Variants in PCDHGA7 observed in about 807,000 individuals in gnomAD.
The protein encoded by PCDHGA7 is protocadherin gamma-A7.
PCDHGA7 carries 44 observed loss-of-function variants against 58.3 expected under a neutral mutation model. The ratio of observed to expected loss-of-function variants is 0.75; its 90% confidence interval spans 0.59 to 0.97. The LOEUF (loss-of-function observed/expected upper bound fraction) is 0.97, where lower values mean the gene tolerates loss of function less well. Among genes scored for constraint, PCDHGA7 ranks in the 50% least tolerant of loss-of-function variants. The probability of loss-of-function intolerance (pLI) is 0.00; values close to 1 mark genes in which losing one functional copy is unlikely to be tolerated. For synonymous variants in PCDHGA7, 516 were observed against 504.2 expected (o/e 1.02, Z -0.31); for missense variants, 1,266 against 1,188.7 (o/e 1.06, Z -0.96).
At chr5:141,409,573 C>T (rs562811168) in intron 1 of PCDHGA7, 4 of 1,613,934 alleles carry the variant, frequency 2.5e-6, no homozygotes, top group African/African-American at 2.7e-5. Flanking sequence ...AGACGTCCTA[C>T]GTGGTCCACG....
rs748115530 is a variant in PCDHGA7 at position 141,489,429 on chromosome 5, G to C, written c.2425-5378G>C. 5 of 1,614,022 alleles carry C rather than the reference G, an allele frequency of 3.1e-6. No individual in the cohort carries two copies. The East Asian group carries it at 8.9e-5, about 29-fold the overall frequency. ...AGATGACAGATCTGTTGAGCCGGCG[G>C]CTGCAATTGGGCTCTGAGGAGAATG... On this transcript the variant is annotated intron_variant, in intron 1 of 3. Transcript: ENST00000518325. The surrounding 1 kb of genome is among the most constrained non-coding windows in gnomAD (Gnocchi z 4.5).
At chr5:141,400,181 A>G (rs1188334062) in intron 1 of PCDHGA7, 14 of 1,614,034 alleles carry the variant, frequency 8.7e-6, no homozygotes, top group Non-Finnish European at 1.1e-5. Flanking sequence ...GCTGAGCTGC[A>G]GTTTTACCTA....
chr5:141,439,632 T>C (rs1335553818), intron 1 of PCDHGA7, among the ~76,000 whole-genome samples: 1 of 152,182 alleles, frequency 6.6e-6, no homozygotes, highest in Non-Finnish European at 1.5e-5. Context: ...TCCCCAGACA[T>C]TCCGGCTTGG....
chr5:141,383,558 C>A lies in PCDHGA7; in HGVS notation c.659C>A (p.Pro220Gln), dbSNP rs374657057. 6.2e-7 allele frequency: 1 copy of A among 1,612,822 alleles called. No individual in the cohort carries two copies. The highest frequency in any genetic ancestry group is 1.7e-5 in the Admixed American group (1 of 59,908). The change falls in exon 1 of 4, where the codon CCG becomes CAG. Residue 220 changes from proline to glutamine, a missense_variant. Pro to Gln is a moderately conservative substitution (Grantham distance 76). Transcript: ENST00000518325. ...CTCACAGCCTCTGATGGCGGCGACC[C>A]GCCCCGATCCAGCACCGCCCACATC... The part of the protein sequence containing the change: ...LVLTASDGGD[P>Q]PRSSTAHIQV...
chr5:141,439,773 C>G (rs1323463060), intron 1 of PCDHGA7: 2 of 152,344 alleles, frequency 1.3e-5, no homozygotes, highest in East Asian at 3.9e-4. Flanking sequence ...TCCTTCTTGG[C>G]TGGAGATTCT....
intron 1 of PCDHGA7, chr5:141,409,419 CAGAT>C (rs1303289792): frequency 3.1e-6 from 5 of 1,614,028 alleles, no homozygotes; most frequent in Non-Finnish European, 3.4e-6. Context: ...AAACTGGTGA[CAGAT>C]GGAGCCCTGG....
intron 1 of PCDHGA7, chr5:141,409,291 A>G: frequency 6.2e-7 from 1 of 1,614,000 alleles, no homozygotes; most frequent in Non-Finnish European, 8.5e-7. Context: ...CACCTCCAGG[A>G]ATGGTTGTTG....
rs112156044 is a variant in PCDHGA7, at chr5:141,476,771, G to A, written c.2425-18036G>A. The A allele has an allele frequency of 6.2e-7, 1 of 1,613,700 alleles. No homozygotes were observed. The highest frequency in any genetic ancestry group is 1.3e-5 in the African/African-American group (1 of 75,036). On this transcript the variant is annotated intron_variant, in intron 1 of 3. Coordinates refer to ENST00000518325, the MANE Select transcript of PCDHGA7 (RefSeq NM_018920.4). The surrounding 1 kb of genome is among the most constrained non-coding windows in gnomAD (Gnocchi z 7.6). ...CCAGTTAGTGCTGACGGCGTTGGAC[G>A]GAGGGACCCCAGCTCTCTCCGCCAG...
chr5:141,416,504 C>CA (rs1467352050), intron 1 of PCDHGA7: 4 of 152,040 alleles, frequency 2.6e-5, no homozygotes, highest in African/African-American at 9.7e-5. Context: ...AGATATATGA[C>CA]AAAGCTATTT....
rs185995562 is a variant in PCDHGA7 at position 141,410,475 on chromosome 5, A to T, written c.2424+25152A>T. 63 of 1,614,052 alleles carry T rather than the reference A, an allele frequency of 3.9e-5. No individual in the cohort carries two copies. The highest frequency in any genetic ancestry group is 3.3e-4 in the Middle Eastern group (2 of 6,062). ...TATTCTTATAATCTGTGCATTGCAC[A>T]TACGGGTACAAAAGAGTTTAATTTC... On this transcript the variant is annotated intron_variant, in intron 1 of 3. Transcript: ENST00000518325.
At chr5:141,416,687 A>G (rs1283053610) in intron 1 of PCDHGA7, 1 of 152,270 alleles carries the variant, frequency 6.6e-6, no homozygotes, top group Non-Finnish European at 1.5e-5. Flanking sequence ...GGGAAATTAT[A>G]TAAACAAAGG....
chr5:141,493,808 C>T lies in PCDHGA7; in HGVS notation c.2425-999C>T, dbSNP rs2099750260. On this transcript the variant is annotated intron_variant, in intron 1 of 3. Transcript: ENST00000518325. The surrounding 1 kb of genome is among the most constrained non-coding windows in gnomAD (Gnocchi z 4.3). ...CTTCTCCCTGGAGTAATCTGAGATA[C>T]TCACACTCTCTGCTTCTGGGAGCAA... is the stretch of plus-strand genomic sequence containing the variant. 6.6e-6 allele frequency among the ~76,000 whole-genome samples: 1 copy of T among 152,200 alleles called. No individual in the cohort carries two copies. The highest frequency in any genetic ancestry group is 1.5e-5 in the Non-Finnish European group (1 of 68,042).
rs1561592016 is a variant in PCDHGA7 at position 141,382,779 on chromosome 5, C to G, written c.-121C>G. The G allele has an allele frequency of 3.6e-6, 3 of 834,176 alleles. No homozygotes were observed. The highest frequency in any genetic ancestry group is 5.6e-6 in the Non-Finnish European group (3 of 536,930). 51.7% of individuals were successfully genotyped at this position (834,176 alleles called of 1,614,324 possible). On this transcript the variant is annotated 5_prime_UTR_variant, in exon 1 of 4. Transcript: ENST00000518325. The stretch of plus-strand genomic sequence containing the variant: ...GCCCTCTTCCAGGCTGCACTAAACT[C>G]AAGCCTCTATCCTGCTGGATTCTGA...
At chr5:141,425,606 G>A (rs1419859039) in intron 1 of PCDHGA7, among the ~76,000 whole-genome samples, 1 of 152,156 alleles carries the variant, frequency 6.6e-6, no homozygotes, top group Non-Finnish European at 1.5e-5. Context: ...GCCCTATATA[G>A]CTTTCAGTGC....
At chr5:141,390,024 CG>C (rs1561629846) in intron 1 of PCDHGA7, 1 of 1,614,044 alleles carries the variant, frequency 6.2e-7, no homozygotes, top group African/African-American at 1.3e-5. Context: ...CTTGCGCCTG[CG>C]ACGCTCCTCC....
intron 1 of PCDHGA7, chr5:141,405,172 T>G: frequency 1.2e-6 from 2 of 1,614,092 alleles, no homozygotes; most frequent in African/African-American, 2.7e-5. Flanking sequence ...CCTCACACTT[T>G]GTGGGTGTAG....
At chr5:141,461,861 T>C (rs1445632008) in intron 1 of PCDHGA7, among the ~76,000 whole-genome samples, 8 of 152,182 alleles carry the variant, frequency 5.3e-5, no homozygotes, top group Middle Eastern at 3.4e-3. Flanking sequence ...TTTGCTCTTG[T>C]TGCCCAGGCT....
In PCDHGA7 at chr5:141,403,434, A is replaced by C. The variant is rs774605332; in HGVS notation, c.2424+18111A>C. On this transcript the variant is annotated intron_variant, in intron 1 of 3. Transcript: ENST00000518325. ...CCACTTCCAGAAGCTATTGATCCGGATGTTGGCGTGAACTCCCTCCAGAGC... is the reference window on the plus strand; with the variant it reads ...CCACTTCCAGAAGCTATTGATCCGGCTGTTGGCGTGAACTCCCTCCAGAGC... The C allele has an allele frequency of 1.9e-6, 3 of 1,614,024 alleles. No individual in the cohort carries two copies. In the South Asian group the frequency reaches 3.3e-5, roughly 18 times the overall value.
At chr5:141,501,570 G>C (rs1251110101) in intron 2 of PCDHGA7, among the ~76,000 whole-genome samples, 1 of 151,996 alleles carries the variant, frequency 6.6e-6, no homozygotes, top group African/African-American at 2.4e-5. Flanking sequence ...ATCATATTAG[G>C]CTGGCTTTCA....
Sources: allele counts gnomAD v4.1 joint callset (sites outside exome capture counted in the v4.1 genomes callset), GRCh38; gene constraint gnomAD v4.1.1; non-coding constraint Gnocchi (gnomAD v3.1); transcripts MANE v1.5; gene names NCBI Gene and HGNC (gene_info 2026-07-23, HGNC 2026-07-21).